Variants in TMEM26 observed in about 807,000 individuals in gnomAD.
TMEM26 encodes the protein transmembrane protein 26.
In TMEM26, 38 loss-of-function variants were observed where a neutral mutation model predicts 28.8. The observed-to-expected ratio is 1.32, with a 90% CI of 1.02 to 1.73. The LOEUF (loss-of-function observed/expected upper bound fraction) is 1.73, where lower values mean the gene tolerates loss of function less well. TMEM26 is among the 40% of genes most tolerant of loss of function. TMEM26 has a pLI of 0.00. For missense variants in TMEM26, 518 were observed against 447.1 expected, an observed-to-expected ratio of 1.16 and a Z score of -1.43; for synonymous variants, 227 against 182.9, an observed-to-expected ratio of 1.24 and a Z score of -1.95.
At position 61,407,581 on chromosome 10, in the gene TMEM26, T is replaced by A. The variant is rs1839511974; in HGVS notation, c.*2741A>T. 6.6e-6 allele frequency: 1 copy of A among 152,192 alleles called. No homozygotes were observed. 9.4% of individuals were successfully genotyped at this position (152,192 alleles called of 1,614,324 possible). On this transcript the variant is annotated 3_prime_UTR_variant, in exon 6 of 6. Transcript: ENST00000399298. ...GCAAAAGAAACCCACAAGATGATCA[T>A]GAGGTGTGTTTCCGCACAGTATCAT...
intron 4 of TMEM26, among the ~76,000 whole-genome samples, chr10:61,420,354 G>T (rs182061069): frequency 2.7e-4 from 41 of 152,172 alleles, no homozygotes; most frequent in South Asian, 1.2e-3. Flanking sequence ...TGGAAGAGGT[G>T]GAAGAGGTGG....
At chr10:61,452,469 G>A (rs2135344865) in intron 1 of TMEM26, among the ~76,000 whole-genome samples, 1 of 152,316 alleles carries the variant, frequency 6.6e-6, no homozygotes, top group East Asian at 1.9e-4. Flanking sequence ...GATGCCCAGC[G>A]AAGGACATTC....
intron 1 of TMEM26, among the ~76,000 whole-genome samples, chr10:61,442,063 GTATA>G (rs34021628): frequency 1.3e-5 from 2 of 151,392 alleles, no homozygotes; most frequent in African/African-American, 4.9e-5. Context: ...TATGAAATAT[GTATA>G]TATATATAGG....
chr10:61,451,906 T>C (rs1222334925), intron 1 of TMEM26, among the ~76,000 whole-genome samples: 4 of 152,124 alleles, frequency 2.6e-5, no homozygotes, highest in Non-Finnish European at 5.9e-5. Flanking sequence ...ACAATGACTA[T>C]AATGCCATTG....
rs186444875 is a variant in TMEM26, at chr10:61,417,866, T to C, written c.606-4331A>G. ...GTAGTGAAATGAAAAGGTCAGCAAA[T>C]CCTTTCCCCAACAAACATGTATAAT... On this transcript the variant is annotated intron_variant, in intron 4 of 5. Transcript: ENST00000399298. Among the ~76,000 whole-genome samples, 4 of 151,970 alleles carry C rather than the reference T, an allele frequency of 2.6e-5. No homozygotes were observed. In the East Asian group the frequency reaches 7.7e-4, roughly 29 times the overall value.
intron 1 of TMEM26, among the ~76,000 whole-genome samples, chr10:61,438,432 A>T (rs886480351): frequency 6.6e-6 from 1 of 152,174 alleles, no homozygotes; most frequent in Non-Finnish European, 1.5e-5. Flanking sequence ...TGGTTTGGAG[A>T]CATGAAATGT....
intron 1 of TMEM26, among the ~76,000 whole-genome samples, chr10:61,437,302 G>GGGGA (rs1840024140): frequency 6.6e-6 from 1 of 152,126 alleles, no homozygotes. Context: ...GAACCTGGAA[G>GGGGA]GGGAGACAAT....
Position 61,436,256 on chromosome 10 carries a change from AAG to A in TMEM26, c.192-10_192-9del, listed in dbSNP as rs758338543. 10 of 1,561,234 alleles carry A rather than the reference AAG, an allele frequency of 6.4e-6. No individual in the cohort carries two copies. In the East Asian group the frequency reaches 2.2e-4, roughly 35 times the overall value. On this transcript the variant is annotated splice_polypyrimidine_tract_variant and intron_variant, in intron 1 of 5. Coordinates refer to ENST00000399298, the MANE Select transcript of TMEM26 (RefSeq NM_178505.8). ...AATATGGCTGGTGAAAACCTGTGAA[AAG>A]AGAGAAGAAAAAATAGTTTAGCTAA...
At chr10:61,418,671 A>G (rs1839693539) in intron 4 of TMEM26, among the ~76,000 whole-genome samples, 1 of 152,118 alleles carries the variant, frequency 6.6e-6, no homozygotes, top group Non-Finnish European at 1.5e-5. Flanking sequence ...AATAGAAGTA[A>G]CAAACTTGAT....
intron 1 of TMEM26, 26 bp from the exon 2 acceptor site, chr10:61,436,274 GT>G: frequency 7.0e-7 from 1 of 1,438,834 alleles, no homozygotes; most frequent in Non-Finnish European, 9.5e-7. Flanking sequence ...AGAAAAAATA[GT>G]TTAGCTAATT....
chr10:61,420,799 C>T (rs1362796019), intron 4 of TMEM26, among the ~76,000 whole-genome samples: 1 of 150,232 alleles, frequency 6.7e-6, no homozygotes, highest in Non-Finnish European at 1.5e-5. Context: ...TCTTTCAGGT[C>T]GAAAGGAAAT....
intron 1 of TMEM26, among the ~76,000 whole-genome samples, chr10:61,440,881 C>T (rs114151227): frequency 6.4e-4 from 98 of 152,272 alleles, no homozygotes; most frequent in African/African-American, 2.1e-3. Context: ...CTGCAGGTAG[C>T]AAACACTGCA....
rs1216185266 is a variant in TMEM26 at position 61,429,042 on chromosome 10, T to C, written c.489A>G (p.Leu163=). ...CTCGAGTGATCCCGCCTCCAATGGG[T>C]AGAAGCCATCTTCCAATTATTAGCA... ...LLMLIIGRWL[L]PIGGGITRDQ... is the part of the protein sequence containing the mutation. The change falls in exon 4 of 6, where the codon CTA becomes CTG. Residue 163 remains leucine, a synonymous_variant. Transcript: ENST00000399298. 2 of 1,613,194 alleles carry C rather than the reference T, an allele frequency of 1.2e-6. No homozygotes were observed. The highest frequency in any genetic ancestry group is 2.2e-5 in the East Asian group (1 of 44,840).
chr10:61,446,817 C>CAAAAAAAAAAAAAAAAAAAAA (rs34030340), intron 1 of TMEM26, among the ~76,000 whole-genome samples: 2 of 33,942 alleles, frequency 5.9e-5, no homozygotes, highest in African/African-American at 1.2e-4. Context: ...GACTCCATCT[C>CAAAAAAAAAAAAAAAAAAAAA]AAAAAAAAAA....
intron 5 of TMEM26, among the ~76,000 whole-genome samples, chr10:61,411,053 T>A (rs1839561442): frequency 6.6e-6 from 1 of 152,162 alleles, no homozygotes; most frequent in Non-Finnish European, 1.5e-5. Flanking sequence ...CCCAAGCTCC[T>A]TGTGAGGCTG....
chr10:61,434,944 T>G (rs764503041), intron 2 of TMEM26, among the ~76,000 whole-genome samples: 10 of 152,182 alleles, frequency 6.6e-5, no homozygotes, highest in Non-Finnish European at 1.3e-4. Context: ...ATTTTATCAG[T>G]GAAGTTACCA....
intron 4 of TMEM26, chr10:61,416,102 A>T (rs1020575910): frequency 2.7e-5 from 12 of 450,990 alleles, no homozygotes; most frequent in South Asian, 1.4e-4. Flanking sequence ...GTCTTCTATT[A>T]GTGGAATTTT....
chr10:61,415,181 A>G (rs1226209837), intron 4 of TMEM26: 1 of 984,430 alleles, frequency 1.0e-6, no homozygotes, highest in African/African-American at 1.7e-5. Flanking sequence ...AATTGGATAG[A>G]AGAAAGAGCA....
chr10:61,423,065 T>C (rs1204940282), intron 4 of TMEM26, among the ~76,000 whole-genome samples: 1 of 152,140 alleles, frequency 6.6e-6, no homozygotes, highest in Non-Finnish European at 1.5e-5. Flanking sequence ...GTGAATATTA[T>C]GGACAACTTT....
Sources: allele counts gnomAD v4.1 joint callset (sites outside exome capture counted in the v4.1 genomes callset), GRCh38; gene constraint gnomAD v4.1.1; transcripts MANE v1.5; gene names NCBI Gene and HGNC (gene_info 2026-07-23, HGNC 2026-07-21).